Variants in TMEM175 observed in about 807,000 individuals in gnomAD.
TMEM175 encodes the protein endosomal/lysosomal proton channel TMEM175.
Under a neutral mutation model 36.5 loss-of-function variants are expected in TMEM175, and 36 were observed. The ratio of observed to expected loss-of-function variants is 0.99; its 90% confidence interval spans 0.76 to 1.30. The LOEUF (loss-of-function observed/expected upper bound fraction) is 1.30. Ranked by LOEUF, TMEM175 falls within the 50% of genes most tolerant of loss-of-function variation. TMEM175 has a pLI of 0.00. For missense variants in TMEM175, 705 were observed against 692.8 expected, an observed-to-expected ratio of 1.02 and a Z score of -0.20; for synonymous variants, 339 against 313.4, an observed-to-expected ratio of 1.08 and a Z score of -0.86.
intron 10 of TMEM175, among the ~76,000 whole-genome samples, chr4:957,375 T>C (rs1306415575): frequency 1.3e-5 from 2 of 152,158 alleles, no homozygotes; most frequent in African/African-American, 4.8e-5. Context: ...GAGACCCCCA[T>C]GTGCATCTGA....
chr4:939,780 A>G (rs1340179509), intron 1 of TMEM175, among the ~76,000 whole-genome samples: 1 of 152,226 alleles, frequency 6.6e-6, no homozygotes, highest in Non-Finnish European at 1.5e-5. Flanking sequence ...ACTCAAAATC[A>G]TAAATCTAAA....
At position 957,937 on chromosome 4, in the gene TMEM175, C is replaced by T. The variant is rs772644645; in HGVS notation, c.956C>T (p.Thr319Ile). The T allele has an allele frequency of 6.2e-7, 1 of 1,612,864 alleles. No homozygotes were observed. Among genetic ancestry groups the T allele is most frequent in the South Asian group, 1.1e-5 (1 of 91,088 alleles). The stretch of plus-strand genomic sequence containing the variant: ...CTGGCGTACTTCGGCTCCTTCGCCA[C>T]AGTGGGACTGCTGTGGTTCGCCCAC... ...RFLAYFGSFA[T>I]VGLLWFAHHS... Residue 319 changes from threonine to isoleucine, a missense_variant, in exon 11 of 11, where the codon ACA becomes ATA. Transcript: ENST00000264771.
chr4:955,279 A>T, intron 8 of TMEM175, 126 bp from the exon 9 acceptor site: 1 of 693,682 alleles, frequency 1.4e-6, no homozygotes, highest in African/African-American at 1.8e-5. Flanking sequence ...AGGCCCCATC[A>T]GATACATGAT....
intron 1 of TMEM175, among the ~76,000 whole-genome samples, chr4:938,577 C>T (rs1265671810): frequency 6.6e-6 from 1 of 151,898 alleles, no homozygotes; most frequent in African/African-American, 2.4e-5. Flanking sequence ...TTCCAGGATA[C>T]AAGATAAATA....
rs753695091 is a variant in TMEM175 at position 947,906 on chromosome 4, C to G, written c.153+14C>G. On this transcript the variant is annotated intron_variant, in intron 2 of 10. Transcript: ENST00000264771. ...GCCACCGTCATGGTCTGTACGGGGC[C>G]CCTGCTTAGGCCTGCCCCACCCCGA... The G allele has an allele frequency of 6.2e-7, 1 of 1,613,890 alleles. No homozygotes were observed. Among genetic ancestry groups the G allele is most frequent in the South Asian group, 1.1e-5 (1 of 91,080 alleles).
intron 1 of TMEM175, among the ~76,000 whole-genome samples, chr4:941,037 T>TAATAATAATAAA (rs1404647698): frequency 7.0e-6 from 1 of 143,078 alleles, no homozygotes; most frequent in Admixed American, 7.1e-5. Context: ...ATAATAATAA[T>TAATAATAATAAA]AATAATAATA....
intron 1 of TMEM175, among the ~76,000 whole-genome samples, chr4:946,896 G>A (rs916505855): frequency 4.5e-5 from 5 of 111,360 alleles, no homozygotes; most frequent in Non-Finnish European, 5.5e-5. Flanking sequence ...GCGCGGCCCC[G>A]TAGGAGACAG....
chr4:942,884 C>T (rs924604612), intron 1 of TMEM175, among the ~76,000 whole-genome samples: 2 of 152,078 alleles, frequency 1.3e-5, no homozygotes, highest in Non-Finnish European at 2.9e-5. Context: ...AGGTGATCCG[C>T]CCGCCTCTGC....
At chr4:940,784 G>C (rs1408724782) in intron 1 of TMEM175, among the ~76,000 whole-genome samples, 1 of 151,748 alleles carries the variant, frequency 6.6e-6, no homozygotes, top group Non-Finnish European at 1.5e-5. Context: ...GAGGTGGGTG[G>C]ATCACGAGGT....
chr4:945,519 G>A (rs79333548), intron 1 of TMEM175, among the ~76,000 whole-genome samples: 5,248 of 152,240 alleles, frequency 0.034, 110 homozygotes, highest in Middle Eastern at 0.11. Context: ...CTCCCTGATT[G>A]CTAGTGAAGT....
At position 950,156 on chromosome 4, in the gene TMEM175, G is replaced by A. The variant is rs143063286; in HGVS notation, c.193-265G>A. Among the ~76,000 whole-genome samples the A allele has an allele frequency of 1.3e-3, 196 of 151,458 alleles. 1 individual carries two copies. The highest frequency in any genetic ancestry group is 4.6e-3 in the African/African-American group (189 of 41,320). On this transcript the variant is annotated intron_variant, in intron 3 of 10. Coordinates refer to ENST00000264771, the MANE Select transcript of TMEM175 (RefSeq NM_032326.4). ...CCTGTGGGTGTGGGCATGGATCAGC[G>A]CCCTGGAGAAGGGGTGGGGGCTGGA...
At position 939,303 on chromosome 4, in the gene TMEM175, G is replaced by A. The variant is rs145422389; in HGVS notation, c.-32+6763G>A. ...TGTTTAGAAAAAGGAACCTTGGGCC[G>A]GGTGCAGTGGCTCACGCCTGTAATC... is the stretch of plus-strand genomic sequence containing the variant. On this transcript the variant is annotated intron_variant, in intron 1 of 10. Coordinates refer to ENST00000264771, the MANE Select transcript of TMEM175 (RefSeq NM_032326.4). Among the ~76,000 whole-genome samples the A allele has an allele frequency of 2.0e-4, 30 of 152,360 alleles. No homozygotes were observed. The East Asian group carries it at 5.2e-3, about 26-fold the overall frequency.
Position 951,221 on chromosome 4 carries a change from T to C in TMEM175, c.305T>C (p.Val102Ala), listed in dbSNP as rs780579446. 6.2e-7 allele frequency: 1 copy of C among 1,614,118 alleles called. No individual in the cohort carries two copies. The highest frequency in any genetic ancestry group is 1.7e-5 in the Admixed American group (1 of 60,022). The change falls in exon 5 of 11, where the codon GTT becomes GCT. Residue 102 changes from valine to alanine, a missense_variant. By Grantham distance (64) the Val-to-Ala change is moderately conservative. Coordinates refer to ENST00000264771, the MANE Select transcript of TMEM175 (RefSeq NM_032326.4). ...WAAHTRLFQV[V>A]GKTDDTLALL... ...AAATGGTTTAGGTTGTTCCAAGTTG[T>C]TGGGAAAACAGACGACACACTTGCC... is the stretch of plus-strand genomic sequence containing the variant.
At chr4:939,691 G>C (rs1296480232) in intron 1 of TMEM175, among the ~76,000 whole-genome samples, 2 of 152,200 alleles carry the variant, frequency 1.3e-5, no homozygotes, top group African/African-American at 4.8e-5. Context: ...ACTCCAGCCT[G>C]AGTGACAGAG....
intron 7 of TMEM175, 37 bp downstream of exon 7, chr4:952,487 T>G (rs780208138): frequency 8.1e-7 from 1 of 1,230,048 alleles, no homozygotes. Context: ...TGTGTGTGTG[T>G]GTGTGTGTGT....
chr4:936,665 A>G (rs1474223417), intron 1 of TMEM175, among the ~76,000 whole-genome samples: 4 of 152,202 alleles, frequency 2.6e-5, no homozygotes, highest in Non-Finnish European at 5.9e-5. Flanking sequence ...TTAAGAAGAA[A>G]TTGTGTTGGG....
chr4:947,615 C>T (rs1035265287), intron 1 of TMEM175, 94 bp from the exon 2 acceptor site: 2 of 945,782 alleles, frequency 2.1e-6, no homozygotes, highest in Admixed American at 2.7e-5. Context: ...AGCCCCCCCC[C>T]ATACCAGTCC....
chr4:948,471 G>T lies in TMEM175; in HGVS notation c.192+317G>T, dbSNP rs1364661632. ...ACAGGTTGGAAGAGGAAGGTTCCGGGCCTGCCCCAAGGACAGAAGTTTCCT... is the reference window on the plus strand; with the variant it reads ...ACAGGTTGGAAGAGGAAGGTTCCGGTCCTGCCCCAAGGACAGAAGTTTCCT... On this transcript the variant is annotated intron_variant, in intron 3 of 10. Transcript: ENST00000264771. The T allele has an allele frequency of 2.1e-6, 3 of 1,456,078 alleles. No homozygotes were observed. The African/African-American group carries it at 4.2e-5, about 20-fold the overall frequency. The allele number at this position is 1,456,078 out of a possible 1,614,324, so 90.2% of individuals were successfully genotyped here. A position where few individuals can be genotyped will look rare whatever the true frequency, so the allele number is the denominator to read the frequency against.
At position 932,824 on chromosome 4, in the gene TMEM175, C is replaced by T. The variant is rs1381180965; in HGVS notation, c.-32+284C>T. The stretch of plus-strand genomic sequence containing the variant: ...ACGCTTAGTGAGTAAGGTTGGCAGC[C>T]CCCTCCCAGCAGCCAGGCAGGCAGT... On this transcript the variant is annotated intron_variant, in intron 1 of 10. Coordinates refer to ENST00000264771, the MANE Select transcript of TMEM175 (RefSeq NM_032326.4). The surrounding 1 kb of genome is among the most constrained non-coding windows in gnomAD (Gnocchi z 4.0). 6.6e-6 allele frequency among the ~76,000 whole-genome samples: 1 copy of T among 152,200 alleles called. No individual in the cohort carries two copies. Among genetic ancestry groups the T allele is most frequent in the East Asian group, 1.9e-4 (1 of 5,194 alleles).
Sources: allele counts gnomAD v4.1 joint callset (sites outside exome capture counted in the v4.1 genomes callset), GRCh38; gene constraint gnomAD v4.1.1; non-coding constraint Gnocchi (gnomAD v3.1); transcripts MANE v1.5; gene names NCBI Gene and HGNC (gene_info 2026-07-23, HGNC 2026-07-21).